Variants in MNAT1 observed in about 807,000 individuals in gnomAD.
MNAT1 encodes the protein MNAT1 component of CDK activating kinase, also known as CDK-activating kinase assembly factor MAT1.
A neutral mutation model predicts 42.0 loss-of-function variants in MNAT1; 43 were observed. The ratio of observed to expected loss-of-function variants is 1.02; its 90% CI spans 0.80 to 1.32. The LOEUF (loss-of-function observed/expected upper bound fraction) is 1.32. Among genes scored for constraint, MNAT1 ranks in the 40% most tolerant of loss-of-function variants. MNAT1 has a pLI of 0.00. For missense variants in MNAT1, 306 were observed against 350.4 expected (o/e 0.87, Z 1.01); for synonymous variants, 118 against 120.0 (o/e 0.98, Z 0.11).
intron 6 of MNAT1, among the ~76,000 whole-genome samples, chr14:60,838,413 T>G (rs2033455833): frequency 1.3e-5 from 2 of 152,356 alleles, no homozygotes; most frequent in African/African-American, 2.4e-5. Context: ...ATTACAGGCA[T>G]AAGCCACTAC....
chr14:60,759,647 T>G (rs552815669), intron 1 of MNAT1, among the ~76,000 whole-genome samples: 1 of 152,306 alleles, frequency 6.6e-6, no homozygotes, highest in Admixed American at 6.5e-5. Flanking sequence ...ACCAATAACC[T>G]TCTCAAAAGG....
chr14:60,890,507 G>T (rs2034814261), intron 7 of MNAT1, among the ~76,000 whole-genome samples: 1 of 152,162 alleles, frequency 6.6e-6, no homozygotes, highest in African/African-American at 2.4e-5. Flanking sequence ...ACAAGGTGAA[G>T]CCCCACTATA....
intron 7 of MNAT1, among the ~76,000 whole-genome samples, chr14:60,897,733 T>C (rs2034987631): frequency 6.6e-6 from 1 of 152,196 alleles, no homozygotes; most frequent in Middle Eastern, 3.2e-3. Flanking sequence ...TTATTATTTC[T>C]ATGTGTTGGT....
chr14:60,754,160 A>G (rs758477095), intron 1 of MNAT1, among the ~76,000 whole-genome samples: 1 of 152,168 alleles, frequency 6.6e-6, no homozygotes, highest in Non-Finnish European at 1.5e-5. Flanking sequence ...GACACTGAGA[A>G]ATTTTGTGAG....
chr14:60,769,061 G>A (rs1240097027), intron 1 of MNAT1, among the ~76,000 whole-genome samples: 1 of 152,114 alleles, frequency 6.6e-6, no homozygotes, highest in Non-Finnish European at 1.5e-5. Context: ...CCCCTGGGTT[G>A]AGAAATAGGG....
chr14:60,788,298 G>A (rs2031714201), intron 1 of MNAT1, among the ~76,000 whole-genome samples: 2 of 152,070 alleles, frequency 1.3e-5, no homozygotes, highest in South Asian at 4.1e-4. Context: ...TCTCAACAGT[G>A]GGTTCAAATA....
chr14:60,926,888 C>A (rs536580229), intron 7 of MNAT1, among the ~76,000 whole-genome samples: 1 of 152,186 alleles, frequency 6.6e-6, no homozygotes, highest in African/African-American at 2.4e-5. Flanking sequence ...ATCCTGAGGC[C>A]ATTCAGGAAC....
At chr14:60,942,332 G>A (rs1470975397) in intron 7 of MNAT1, among the ~76,000 whole-genome samples, 9 of 152,126 alleles carry the variant, frequency 5.9e-5, no homozygotes, top group African/African-American at 2.2e-4. Context: ...CTCAAGCAGT[G>A]CCCAGAAGCA....
At chr14:60,913,521 C>G (rs1409283607) in intron 7 of MNAT1, among the ~76,000 whole-genome samples, 1 of 152,150 alleles carries the variant, frequency 6.6e-6, no homozygotes, top group African/African-American at 2.4e-5. Flanking sequence ...GATGGCCTTT[C>G]TGTTTTTTAG....
intron 1 of MNAT1, chr14:60,780,561 G>A: frequency 5.3e-6 from 8 of 1,522,100 alleles, no homozygotes; most frequent in Non-Finnish European, 6.4e-6. Context: ...AAAGTAAATA[G>A]CATGGTGGCC....
intron 7 of MNAT1, among the ~76,000 whole-genome samples, chr14:60,946,750 C>G (rs1481675438): frequency 6.6e-6 from 1 of 152,104 alleles, no homozygotes; most frequent in African/African-American, 2.4e-5. Flanking sequence ...TTTCCTGAGA[C>G]CAGTACTATG....
intron 1 of MNAT1, among the ~76,000 whole-genome samples, chr14:60,753,216 A>G (rs150867629): frequency 2.0e-5 from 3 of 152,178 alleles, no homozygotes; most frequent in South Asian, 2.1e-4. Context: ...TGAGATTGCA[A>G]TCAAGTTTCA....
intron 7 of MNAT1, among the ~76,000 whole-genome samples, chr14:60,958,114 G>C (rs1220756059): frequency 2.0e-5 from 3 of 152,182 alleles, no homozygotes; most frequent in African/African-American, 7.2e-5. Context: ...TGGGATTACA[G>C]GCTTGAGCCA....
chr14:60,849,006 G>A, intron 6 of MNAT1, among the ~76,000 whole-genome samples: 1 of 152,116 alleles, frequency 6.6e-6, no homozygotes, highest in African/African-American at 2.4e-5. Context: ...TATTCTTTTA[G>A]AAGTGTTACT....
intron 6 of MNAT1, among the ~76,000 whole-genome samples, chr14:60,857,144 T>C (rs2033979275): frequency 1.3e-5 from 2 of 152,234 alleles, no homozygotes; most frequent in Non-Finnish European, 2.9e-5. Context: ...TCAGAAAAGA[T>C]TTCTTTCAAA....
chr14:60,827,571 T>C (rs2033089713), intron 6 of MNAT1, among the ~76,000 whole-genome samples: 1 of 152,180 alleles, frequency 6.6e-6, no homozygotes, highest in African/African-American at 2.4e-5. Context: ...CCAAACAGCT[T>C]AGGTGCTTTA....
At chr14:60,929,348 GAC>G (rs1020660669) in intron 7 of MNAT1, among the ~76,000 whole-genome samples, 6 of 151,348 alleles carry the variant, frequency 4.0e-5, no homozygotes, top group African/African-American at 7.3e-5. Flanking sequence ...TTGTATCTAA[GAC>G]ACTTTTGCCT....
rs1465129532 is a variant in MNAT1 at position 60,968,548 on chromosome 14, A to C, written c.*199A>C. 2 of 1,383,956 alleles carry C rather than the reference A, an allele frequency of 1.4e-6. No homozygotes were observed. The highest frequency in any genetic ancestry group is 2.9e-5 in the African/African-American group (2 of 69,226). 85.7% of individuals were successfully genotyped at this position (1,383,956 alleles called of 1,614,324 possible). On this transcript the variant is annotated 3_prime_UTR_variant, in exon 8 of 8. Transcript: ENST00000261245. ...TATTTGTGAAAAATAATTTTTACTTATATTTTTCAGAGGATTTGACACGAT... is the reference window on the plus strand; with the variant it reads ...TATTTGTGAAAAATAATTTTTACTTCTATTTTTCAGAGGATTTGACACGAT...
At chr14:60,788,014 C>G (rs1007528316) in intron 1 of MNAT1, among the ~76,000 whole-genome samples, 1 of 152,082 alleles carries the variant, frequency 6.6e-6, no homozygotes, top group Admixed American at 6.6e-5. Context: ...AATGGTGAAT[C>G]CTTTCAAAAA....
Sources: allele counts gnomAD v4.1 joint callset (sites outside exome capture counted in the v4.1 genomes callset), GRCh38; gene constraint gnomAD v4.1.1; transcripts MANE v1.5; gene names NCBI Gene and HGNC (gene_info 2026-07-23, HGNC 2026-07-21).